PRKG1: variants seen among roughly 807,000 people sequenced by gnomAD.
The protein encoded by PRKG1 is protein kinase cGMP-dependent 1, also known as cGMP-dependent protein kinase 1.
Under a neutral mutation model 88.1 loss-of-function variants are expected in PRKG1, and 35 were observed. The ratio of observed to expected loss-of-function variants is 0.40; its 90% CI spans 0.30 to 0.53. The LOEUF is 0.53. Ranked by LOEUF, PRKG1 falls within the 20% of genes least tolerant of loss-of-function variation. The pLI is 0.59. For missense variants in PRKG1, 540 were observed against 839.8 expected (o/e 0.64, Z 4.41); for synonymous variants, 303 against 292.5 (o/e 1.04, Z -0.37).
chr10:51,789,725 A>G (rs1380998254), intron 3 of PRKG1, among the ~76,000 whole-genome samples: 1 of 152,174 alleles, frequency 6.6e-6, no homozygotes, highest in Non-Finnish European at 1.5e-5. Flanking sequence ...AGAAAAGACA[A>G]AGATGAACAA....
intron 7 of PRKG1, among the ~76,000 whole-genome samples, chr10:52,078,241 A>C (rs1174191404): frequency 6.6e-6 from 1 of 152,224 alleles, no homozygotes; most frequent in Non-Finnish European, 1.5e-5. Context: ...TGTATTACCA[A>C]ACACAAATAG....
At chr10:51,236,732 C>G (rs1449202886) in intron 2 of PRKG1, among the ~76,000 whole-genome samples, 1 of 152,050 alleles carries the variant, frequency 6.6e-6, no homozygotes, top group Non-Finnish European at 1.5e-5. Context: ...TCTCGAACTC[C>G]TGACCTCATG....
At chr10:51,071,386 G>A (rs1834752629), upstream of PRKG1, among the ~76,000 whole-genome samples, 1 of 152,070 alleles carries the variant, frequency 6.6e-6, no homozygotes. Context: ...AAATTATAAA[G>A]CATTTAAGGG....
In PRKG1 at chr10:52,288,652, A is replaced by C. The variant is rs1842173199; in HGVS notation, c.1710-74A>C. The C allele has an allele frequency of 2.1e-6, 3 of 1,416,068 alleles. No homozygotes were observed. In the South Asian group the frequency reaches 4.6e-5, roughly 22 times the overall value. The allele number at this position is 1,416,068 out of a possible 1,614,324, so 87.7% of individuals were successfully genotyped here. A position where few individuals can be genotyped will look rare whatever the true frequency, so the allele number is the denominator to read the frequency against. ...AAATATGAATTGATGTCATCTGTGG[A>C]GTTTATAGCAATTCAAGTGTTCTCA... On this transcript the variant is annotated intron_variant, in intron 14 of 17. Transcript: ENST00000373980.
intron 8 of PRKG1, among the ~76,000 whole-genome samples, chr10:52,155,027 A>G (rs940676672): frequency 6.6e-6 from 1 of 151,898 alleles, no homozygotes; most frequent in Non-Finnish European, 1.5e-5. Flanking sequence ...CATTTTCTTT[A>G]TCCACTCATT....
At chr10:51,365,121 AAT>A (rs1842562859) in intron 2 of PRKG1, among the ~76,000 whole-genome samples, 1 of 151,928 alleles carries the variant, frequency 6.6e-6, no homozygotes. Context: ...CGGGTGACAG[AAT>A]TAAGTCATAA....
chr10:51,592,593 G>T (rs1214985000), intron 3 of PRKG1, among the ~76,000 whole-genome samples: 1 of 152,078 alleles, frequency 6.6e-6, no homozygotes, highest in Non-Finnish European at 1.5e-5. Context: ...CTGTCCCTAG[G>T]ACTAGCCAAG....
intron 1 of PRKG1, among the ~76,000 whole-genome samples, chr10:51,152,448 G>A (rs1846096571): frequency 6.6e-6 from 1 of 151,978 alleles, no homozygotes; most frequent in Admixed American, 6.6e-5. Context: ...TAGCTAAGTA[G>A]GAATCCAATT....
intron 1 of PRKG1, among the ~76,000 whole-genome samples, chr10:51,020,770 C>A (rs768824308): frequency 6.6e-6 from 1 of 152,162 alleles, no homozygotes; most frequent in Non-Finnish European, 1.5e-5. Flanking sequence ...CCCATAAAAG[C>A]AGTCTTCTCA....
intron 7 of PRKG1, among the ~76,000 whole-genome samples, chr10:52,119,935 CAG>C (rs970016175): frequency 7.7e-6 from 1 of 130,554 alleles, no homozygotes; most frequent in Non-Finnish European, 1.8e-5. Flanking sequence ...AAGAGCGAGA[CAG>C]AGAGACAGAG....
At chr10:52,127,646 G>T (rs1847960462) in intron 7 of PRKG1, among the ~76,000 whole-genome samples, 1 of 152,156 alleles carries the variant, frequency 6.6e-6, no homozygotes, top group Admixed American at 6.6e-5. Flanking sequence ...GGGGTCACAT[G>T]CTTCCCCATG....
At chr10:51,558,723 C>A (rs1772311707) in intron 3 of PRKG1, among the ~76,000 whole-genome samples, 1 of 152,048 alleles carries the variant, frequency 6.6e-6, no homozygotes, top group South Asian at 2.1e-4. Flanking sequence ...GAAGAGACAA[C>A]AGCTGAAATG....
At chr10:52,053,279 A>T (rs1846033881) in intron 5 of PRKG1, among the ~76,000 whole-genome samples, 1 of 151,934 alleles carries the variant, frequency 6.6e-6, no homozygotes, top group Non-Finnish European at 1.5e-5. Flanking sequence ...ACTTTTGAGT[A>T]AAAAAACTAG....
At chr10:52,209,636 A>T (rs1027110416) in intron 9 of PRKG1, among the ~76,000 whole-genome samples, 2 of 152,170 alleles carry the variant, frequency 1.3e-5, no homozygotes, top group African/African-American at 4.8e-5. Flanking sequence ...TCATAATCTC[A>T]TGAGGCTCAC....
At chr10:51,263,587 C>T (rs10490974) in intron 2 of PRKG1, among the ~76,000 whole-genome samples, 18,952 of 152,172 alleles carry the variant, frequency 0.12, 1,757 homozygotes, top group African/African-American at 0.26. Flanking sequence ...AGGAATAAAA[C>T]CTTGCTCTCT....
rs3061211 is a variant in PRKG1, at chr10:51,186,954, T to TTATATATATA, written c.478+33644_478+33653dup. ...AAAATGAGTTTTGCAAGGCCCTGTGTTATATATATATATATATATATATAT... is the reference window on the plus strand; with the variant it reads ...AAAATGAGTTTTGCAAGGCCCTGTGTTATATATATATATATATATATATATATATATATAT... On this transcript the variant is annotated intron_variant, in intron 2 of 17. Transcript: ENST00000373980. 2.9e-3 allele frequency among the ~76,000 whole-genome samples: 386 copies of TTATATATATA among 131,038 alleles called. 1 individual carries two copies. Among genetic ancestry groups the TTATATATATA allele is most frequent in the African/African-American group, 6.8e-3 (226 of 33,276 alleles). The allele number at this position is 131,038 out of a possible 152,430, so 86.0% of individuals were successfully genotyped here.
At chr10:51,958,407 G>C (rs1843363849) in intron 5 of PRKG1, among the ~76,000 whole-genome samples, 1 of 151,962 alleles carries the variant, frequency 6.6e-6, no homozygotes, top group African/African-American at 2.4e-5. Flanking sequence ...GATGTGTTTT[G>C]GAACTAGGGG....
Position 51,412,343 on chromosome 10 carries a change from A to G in PRKG1, c.479-55380A>G, listed in dbSNP as rs1354549911. Among the ~76,000 whole-genome samples the G allele has an allele frequency of 3.3e-5, 5 of 151,980 alleles. No homozygotes were observed. The East Asian group carries it at 9.7e-4, about 29-fold the overall frequency. ...TCTTTTCAGCAACATTGTGCTGAAAACCACCTGCCCAAAACCATCCTAAGG... is the reference window on the plus strand; with the variant it reads ...TCTTTTCAGCAACATTGTGCTGAAAGCCACCTGCCCAAAACCATCCTAAGG... On this transcript the variant is annotated intron_variant, in intron 2 of 17. Coordinates refer to ENST00000373980, the MANE Select transcript of PRKG1 (RefSeq NM_006258.4).
chr10:51,990,489 T>C (rs955055802), intron 5 of PRKG1, among the ~76,000 whole-genome samples: 1 of 152,118 alleles, frequency 6.6e-6, no homozygotes, highest in African/African-American at 2.4e-5. Context: ...TTTTTTTGTA[T>C]TCTCTTCAAA....
Sources: allele counts gnomAD v4.1 joint callset (sites outside exome capture counted in the v4.1 genomes callset), GRCh38; gene constraint gnomAD v4.1.1; transcripts MANE v1.5; gene names NCBI Gene and HGNC (gene_info 2026-07-23, HGNC 2026-07-21).